COBL: variants seen among roughly 807,000 people sequenced by gnomAD.
The protein encoded by COBL is cordon-bleu WH2 repeat protein.
A neutral mutation model predicts 98.8 loss-of-function variants in COBL; 51 were observed. The ratio of observed to expected loss-of-function variants is 0.52; its 90% CI spans 0.41 to 0.65. The LOEUF is 0.65. Ranked by LOEUF, COBL falls within the 30% of genes least tolerant of loss-of-function variation. COBL has a pLI of 0.00. For synonymous variants in COBL, 634 were observed against 651.7 expected (o/e 0.97, Z 0.41); for missense variants, 1,617 against 1,617.5 (o/e 1.00, Z 0.01).
chr7:51,106,446 A>G (rs1796278493), intron 6 of COBL, among the ~76,000 whole-genome samples: 1 of 152,184 alleles, frequency 6.6e-6, no homozygotes, highest in South Asian at 2.1e-4. Context: ...GGAAAATTCT[A>G]ATTTAAGTGA....
At chr7:51,059,323 G>C (rs1791087780) in intron 7 of COBL, among the ~76,000 whole-genome samples, 1 of 152,156 alleles carries the variant, frequency 6.6e-6, no homozygotes, top group South Asian at 2.1e-4. Flanking sequence ...ATTTTTATCA[G>C]TTGGCCTATG....
intron 1 of COBL, among the ~76,000 whole-genome samples, chr7:51,233,341 CA>C (rs1794942173): frequency 2.0e-5 from 3 of 152,244 alleles, no homozygotes; most frequent in Admixed American, 2.0e-4. Flanking sequence ...ACAGAAACGC[CA>C]GACCTAGAAG....
In COBL at chr7:51,106,768, A is replaced by T. The variant is rs1327020202; in HGVS notation, c.958-21464T>A. On this transcript the variant is annotated intron_variant, in intron 6 of 12. Coordinates refer to ENST00000265136, the MANE Select transcript of COBL (RefSeq NM_015198.5). ...GGTGGGCACAGGCATGCTGGCAGGG[A>T]AAACAGTTTCTATCATCATCATTCT... Among the ~76,000 whole-genome samples, 2 of 152,158 alleles carry T rather than the reference A, an allele frequency of 1.3e-5. 1 individual carries two copies. Among genetic ancestry groups the T allele is most frequent in the South Asian group, 4.1e-4 (2 of 4,822 alleles).
At chr7:51,020,138 G>A (rs1786781369) in intron 12 of COBL, among the ~76,000 whole-genome samples, 1 of 152,218 alleles carries the variant, frequency 6.6e-6, no homozygotes, top group Non-Finnish European at 1.5e-5. Context: ...CTGATAAGGT[G>A]TCTGGGCCCA....
intron 8 of COBL, among the ~76,000 whole-genome samples, chr7:51,036,617 G>A (rs2128880519): frequency 6.6e-6 from 1 of 152,192 alleles, no homozygotes; most frequent in South Asian, 2.1e-4. Flanking sequence ...TAACAGCACA[G>A]CTCCTCACAA....
chr7:51,017,951 G>T (rs1335524245), intron 12 of COBL, among the ~76,000 whole-genome samples: 2 of 152,344 alleles, frequency 1.3e-5, no homozygotes, highest in African/African-American at 4.8e-5. Flanking sequence ...TTTGATGTGG[G>T]ACGAGTTACC....
At chr7:51,184,056 A>G in intron 5 of COBL, 46 bp downstream of exon 5, 3 of 1,005,176 alleles carry the variant, frequency 3.0e-6, no homozygotes, top group South Asian at 1.6e-5. Flanking sequence ...TCAAGAGACT[A>G]TTTTTTTTAC....
chr7:51,234,532 C>T (rs565135885), intron 1 of COBL, among the ~76,000 whole-genome samples: 1 of 152,198 alleles, frequency 6.6e-6, no homozygotes, highest in South Asian at 2.1e-4. Context: ...AAAACCCCCT[C>T]TCTACGAAAA....
At chr7:51,308,160 C>T (rs1349976538) in intron 1 of COBL, among the ~76,000 whole-genome samples, 1 of 152,212 alleles carries the variant, frequency 6.6e-6, no homozygotes, top group African/African-American at 2.4e-5. Context: ...ACAGTTTGTG[C>T]ATTGAACACT....
intron 2 of COBL, among the ~76,000 whole-genome samples, chr7:51,209,045 T>C (rs1193084992): frequency 5.7e-5 from 3 of 52,206 alleles, no homozygotes; most frequent in African/African-American, 2.4e-4. Context: ...GAATGATCAA[T>C]TAAAAAAAAA....
intron 7 of COBL, among the ~76,000 whole-genome samples, chr7:51,058,018 A>C (rs535688677): frequency 8.8e-4 from 134 of 152,286 alleles, no homozygotes; most frequent in Middle Eastern, 3.4e-3. Flanking sequence ...TTTCTTTCAT[A>C]TAGAAAGTAA....
intron 1 of COBL, among the ~76,000 whole-genome samples, chr7:51,281,074 C>T (rs953827148): frequency 2.0e-5 from 3 of 151,518 alleles, no homozygotes; most frequent in African/African-American, 7.3e-5. Context: ...GGCAAGAACG[C>T]TTGAAATGAA....
chr7:51,238,439 C>T (rs532979589), intron 1 of COBL, among the ~76,000 whole-genome samples: 3 of 152,168 alleles, frequency 2.0e-5, no homozygotes, highest in African/African-American at 7.2e-5. Flanking sequence ...CTCTCATTTC[C>T]CCTGTGAAAA....
At chr7:51,269,796 A>C (rs1798589593) in intron 1 of COBL, among the ~76,000 whole-genome samples, 2 of 152,206 alleles carry the variant, frequency 1.3e-5, no homozygotes, top group Non-Finnish European at 2.9e-5. Context: ...TGATGTTCAC[A>C]GTTACACCAA....
intron 7 of COBL, among the ~76,000 whole-genome samples, chr7:51,077,302 A>G (rs1192048918): frequency 6.6e-6 from 1 of 152,214 alleles, no homozygotes; most frequent in African/African-American, 2.4e-5. Flanking sequence ...AACATCAAAC[A>G]CACACCAAAA....
intron 5 of COBL, among the ~76,000 whole-genome samples, chr7:51,161,355 T>C (rs1480276210): frequency 6.6e-6 from 1 of 152,240 alleles, no homozygotes; most frequent in Non-Finnish European, 1.5e-5. Flanking sequence ...TTATGGAGTT[T>C]CCTTTAAAAT....
intron 12 of COBL, among the ~76,000 whole-genome samples, chr7:51,022,015 C>A (rs1396457591): frequency 1.3e-5 from 2 of 152,174 alleles, no homozygotes; most frequent in African/African-American, 4.8e-5. Context: ...AGGTCGATCA[C>A]CCAATTCCTG....
intron 7 of COBL, among the ~76,000 whole-genome samples, chr7:51,082,163 G>C (rs527452230): frequency 2.0e-4 from 30 of 152,286 alleles, no homozygotes; most frequent in African/African-American, 6.7e-4. Flanking sequence ...AAGCAGTCCA[G>C]TGGCAGAAAA....
At chr7:51,241,788 G>T (rs1190597685) in intron 1 of COBL, among the ~76,000 whole-genome samples, 3 of 152,178 alleles carry the variant, frequency 2.0e-5, no homozygotes, top group Non-Finnish European at 2.9e-5. Flanking sequence ...TCGTTCCTCA[G>T]CTGCTCACAA....
Sources: gnomAD v4.1 joint callset for allele counts (sites outside exome capture counted in the v4.1 genomes callset) on GRCh38, gnomAD v4.1.1 for gene constraint, MANE v1.5 for transcripts, NCBI Gene and HGNC (gene_info 2026-07-23, HGNC 2026-07-21) for gene names.